NPSR1: variants seen among roughly 807,000 people sequenced by gnomAD.
NPSR1 encodes the protein neuropeptide S receptor 1.
NPSR1 carries 48 observed loss-of-function variants against 46.9 expected under a neutral mutation model. The observed-to-expected ratio is 1.02, with a 90% CI of 0.81 to 1.30. The LOEUF is 1.30. Among genes scored for constraint, NPSR1 ranks in the 50% most tolerant of loss-of-function variants. The pLI, the probability that NPSR1 is intolerant of heterozygous loss-of-function variation, is 0.00. For synonymous variants in NPSR1, 176 were observed against 168.1 expected (o/e 1.05, Z -0.36); for missense variants, 450 against 449.5 (o/e 1.00, Z -0.01).
At chr7:34,674,885 C>G (rs1191599930) in intron 1 of NPSR1, among the ~76,000 whole-genome samples, 1 of 152,178 alleles carries the variant, frequency 6.6e-6, no homozygotes, top group East Asian at 1.9e-4. Flanking sequence ...CCCCAGAAAC[C>G]CAGCTTCAGG....
chr7:34,764,575 G>T lies in NPSR1; in HGVS notation c.281-13887G>T, dbSNP rs183487044. Among the ~76,000 whole-genome samples the T allele has an allele frequency of 2.6e-5, 4 of 152,288 alleles. No individual in the cohort carries two copies. In the East Asian group the frequency reaches 7.7e-4, roughly 29 times the overall value. On this transcript the variant is annotated intron_variant, in intron 2 of 8. Transcript: ENST00000360581. ...AGTTTAGACCACACCTACAGGAAAG[G>T]TATGAAATACTACCCTCCTTCCTAG... is the stretch of plus-strand genomic sequence containing the variant.
intron 2 of NPSR1, among the ~76,000 whole-genome samples, chr7:34,745,321 C>T (rs1308607581): frequency 6.6e-6 from 1 of 152,182 alleles, no homozygotes; most frequent in East Asian, 1.9e-4. Flanking sequence ...TTTATTTGGT[C>T]CAATCATCAA....
At chr7:34,804,739 T>G (rs147530530) in intron 3 of NPSR1, among the ~76,000 whole-genome samples, 246 of 152,114 alleles carry the variant, frequency 1.6e-3, no homozygotes, top group African/African-American at 5.6e-3. Context: ...AAAAATGTCT[T>G]TGTTAATAAA....
chr7:34,677,681 C>T (rs1001935336), intron 1 of NPSR1, among the ~76,000 whole-genome samples: 1 of 152,156 alleles, frequency 6.6e-6, no homozygotes, highest in African/African-American at 2.4e-5. Flanking sequence ...TGCTCTCTGA[C>T]AGGAAGTAAA....
At chr7:34,711,941 A>G (rs777067498) in intron 2 of NPSR1, among the ~76,000 whole-genome samples, 6 of 152,252 alleles carry the variant, frequency 3.9e-5, no homozygotes, top group Non-Finnish European at 8.8e-5. Context: ...TCTGTCTCTA[A>G]CCAATTAGAA....
Position 34,824,602 on chromosome 7 carries a change from G to A in NPSR1, c.479-2799G>A, listed in dbSNP as rs372176226. On this transcript the variant is annotated intron_variant, in intron 4 of 8. Transcript: ENST00000360581. The stretch of plus-strand genomic sequence containing the variant: ...GCCTATACCCTGCTGGGCCTTTGGG[G>A]AAACATCTTCGGAGACCTTGGTAGA... 4.9e-4 allele frequency among the ~76,000 whole-genome samples: 74 copies of A among 152,246 alleles called. No individual in the cohort carries two copies. The South Asian group carries it at 0.014, about 29-fold the overall frequency.
At chr7:34,795,888 A>C (rs1788150624) in intron 3 of NPSR1, among the ~76,000 whole-genome samples, 1 of 152,144 alleles carries the variant, frequency 6.6e-6, no homozygotes, top group Non-Finnish European at 1.5e-5. Flanking sequence ...TATTTTGTGG[A>C]TATCAACAAA....
At chr7:34,679,665 T>C (rs996467064) in intron 1 of NPSR1, among the ~76,000 whole-genome samples, 3 of 152,244 alleles carry the variant, frequency 2.0e-5, no homozygotes, top group Middle Eastern at 3.4e-3. Context: ...CAAGAACCTA[T>C]TGATGATGAT....
At chr7:34,680,571 C>A (rs1792577227) in intron 1 of NPSR1, among the ~76,000 whole-genome samples, 1 of 152,082 alleles carries the variant, frequency 6.6e-6, no homozygotes, top group African/African-American at 2.4e-5. Flanking sequence ...AAGTACGGTA[C>A]CCTATAGCAT....
chr7:34,724,782 C>T (rs1271441482), intron 2 of NPSR1, among the ~76,000 whole-genome samples: 1 of 152,088 alleles, frequency 6.6e-6, no homozygotes, highest in Admixed American at 6.6e-5. Context: ...AAGAAAAGTG[C>T]TTAGCATAGT....
intron 2 of NPSR1, chr7:34,723,163 G>T (rs750797195): frequency 6.6e-6 from 1 of 152,442 alleles, no homozygotes; most frequent in East Asian, 1.9e-4. Context: ...GGCAGAAAGG[G>T]GTTATTCTCT....
In NPSR1 at chr7:34,699,946, C is replaced by T. The variant is rs544245491; in HGVS notation, c.280+15262C>T. Among the ~76,000 whole-genome samples, 9 of 152,292 alleles carry T rather than the reference C, an allele frequency of 5.9e-5. No individual in the cohort carries two copies. The South Asian group carries it at 1.9e-3, about 32-fold the overall frequency. ...AGGCTTTGCTTTTAGCACAGCCCCT[C>T]TTCTGCTAGCTTTGTTCAGGCCACC... On this transcript the variant is annotated intron_variant, in intron 2 of 8. Transcript: ENST00000360581.
intron 2 of NPSR1, among the ~76,000 whole-genome samples, chr7:34,713,539 A>C (rs1783408101): frequency 6.6e-6 from 1 of 152,160 alleles, no homozygotes; most frequent in Admixed American, 6.5e-5. Context: ...TGAAATTTGT[A>C]GGTGTCAGAA....
chr7:34,821,325 T>C (rs1789551874), intron 4 of NPSR1, among the ~76,000 whole-genome samples: 1 of 152,012 alleles, frequency 6.6e-6, no homozygotes, highest in Admixed American at 6.6e-5. Flanking sequence ...AGATGGGGTT[T>C]CACCGTGTTG....
At chr7:34,712,649 A>T (rs887955287) in intron 2 of NPSR1, among the ~76,000 whole-genome samples, 1 of 152,220 alleles carries the variant, frequency 6.6e-6, no homozygotes, top group Non-Finnish European at 1.5e-5. Context: ...AGAGCACTGG[A>T]TCATCCCTGA....
intron 6 of NPSR1, among the ~76,000 whole-genome samples, chr7:34,839,009 G>A (rs1488435323): frequency 2.0e-5 from 3 of 152,018 alleles, no homozygotes; most frequent in Non-Finnish European, 2.9e-5. Context: ...ATACTAGAGT[G>A]AAGAAAAAAA....
intron 1 of NPSR1, among the ~76,000 whole-genome samples, chr7:34,679,468 A>G (rs1363248860): frequency 1.3e-5 from 2 of 150,076 alleles, no homozygotes; most frequent in East Asian, 3.9e-4. Context: ...AAGAGTTATG[A>G]AAGAAAAGAA....
intron 8 of NPSR1, among the ~76,000 whole-genome samples, chr7:34,877,689 C>G (rs1791610747): frequency 6.6e-6 from 1 of 152,076 alleles, no homozygotes; most frequent in African/African-American, 2.4e-5. Context: ...CATGTTGGTG[C>G]CCATTAGAAT....
At chr7:34,744,942 A>G (rs1785129243) in intron 2 of NPSR1, among the ~76,000 whole-genome samples, 1 of 152,230 alleles carries the variant, frequency 6.6e-6, no homozygotes, top group South Asian at 2.1e-4. Flanking sequence ...AATTTTCTAA[A>G]CAATATAGTA....
Sources: allele counts gnomAD v4.1 joint callset (sites outside exome capture counted in the v4.1 genomes callset), GRCh38; gene constraint gnomAD v4.1.1; transcripts MANE v1.5; gene names NCBI Gene and HGNC (gene_info 2026-07-23, HGNC 2026-07-21).